Variants in CD33 observed in about 807,000 individuals in gnomAD.
The protein encoded by CD33 is myeloid cell surface antigen CD33.
A neutral mutation model predicts 31.4 loss-of-function variants in CD33; 25 were observed. The observed-to-expected ratio is 0.80, with a 90% confidence interval of 0.58 to 1.11. CD33 has a LOEUF of 1.11. Ranked by LOEUF, CD33 falls within the 50% of genes most tolerant of loss-of-function variation. The probability of loss-of-function intolerance (pLI) is 0.00; values close to 1 mark genes in which losing one functional copy is unlikely to be tolerated. For synonymous variants in CD33, 176 were observed against 180.6 expected, an observed-to-expected ratio of 0.97 and a Z score of 0.20; for missense variants, 407 against 448.1, an observed-to-expected ratio of 0.91 and a Z score of 0.83.
At chr19:51,235,538 A>C (rs534001899) in intron 5 of CD33, 57 bp from the exon 6 acceptor site, 2 of 1,566,004 alleles carry the variant, frequency 1.3e-6, no homozygotes, top group African/African-American at 2.7e-5. Context: ...CAGGCTCATA[A>C]CAATGGCCCC....
At chr19:51,229,839 T>G (rs2123234957) in intron 4 of CD33, among the ~76,000 whole-genome samples, 1 of 152,192 alleles carries the variant, frequency 6.6e-6, no homozygotes, top group South Asian at 2.1e-4. Context: ...AAAGCGAACT[T>G]GTTCATTGAT....
At chr19:51,214,413 G>C in the CD33 span, among the ~76,000 whole-genome samples, 1 of 148,884 alleles carries the variant, frequency 6.7e-6, no homozygotes, top group Non-Finnish European at 1.5e-5. Flanking sequence ...GGTCAGGCTG[G>C]TCTCGAATTT....
Position 51,225,175 on chromosome 19 carries a change from G to C in CD33, c.37+20G>C. 5 of 1,613,816 alleles carry C rather than the reference G, an allele frequency of 3.1e-6. No individual in the cohort carries two copies. The highest frequency in any genetic ancestry group is 4.2e-6 in the Non-Finnish European group (5 of 1,179,870). ...GGGCAGGTGAGTGGCTGTGGGGAGA[G>C]GGGTTGTCGGGCTGGGCCGAGCTGA... On this transcript the variant is annotated intron_variant, in intron 1 of 6. Coordinates refer to ENST00000262262, the MANE Select transcript of CD33 (RefSeq NM_001772.4).
chr19:51,235,415 G>C, intron 5 of CD33, 162 bp downstream of exon 5: 1 of 1,277,014 alleles, frequency 7.8e-7, no homozygotes, highest in Non-Finnish European at 1.1e-6. Flanking sequence ...TCTATTCCAG[G>C]GCCCTGATCT....
chr19:51,235,147 TTG>T lies in CD33; in HGVS notation c.746-8_746-7del. On this transcript the variant is annotated splice_region_variant and splice_polypyrimidine_tract_variant and intron_variant, in intron 4 of 6. Transcript: ENST00000262262. ...GATTAGAATTCACCCCAAATCTTTT[TTG>T]TCTGCAGGGAAACAAGAGACCAGAG... is the stretch of plus-strand genomic sequence containing the variant. 6.2e-7 allele frequency: 1 copy of T among 1,611,592 alleles called. No individual in the cohort carries two copies. The highest frequency in any genetic ancestry group is 8.5e-7 in the Non-Finnish European group (1 of 1,177,674).
At position 51,225,330 on chromosome 19, in the gene CD33, C is replaced by T. The variant is rs373497324; in HGVS notation, c.150C>T (p.Tyr50=). ...CTTTCTTCCATCCCATACCCTACTA[C>T]GACAAGAACTCCCCAGTTCATGGTT... is the stretch of plus-strand genomic sequence containing the variant. ...PCTFFHPIPY[Y]DKNSPVHGYW... is the part of the protein sequence containing the mutation. Residue 50 remains tyrosine, a synonymous_variant, in exon 2 of 7, where the codon TAC becomes TAT. Coordinates refer to ENST00000262262, the MANE Select transcript of CD33 (RefSeq NM_001772.4). 9.2e-5 allele frequency: 149 copies of T among 1,614,128 alleles called. No homozygotes were observed. Among genetic ancestry groups the T allele is most frequent in the South Asian group, 6.7e-4 (61 of 91,088 alleles).
intron 3 of CD33, 93 bp downstream of exon 3, chr19:51,226,174 C>T (rs1981013689): frequency 6.5e-7 from 1 of 1,541,564 alleles, no homozygotes. Flanking sequence ...GGAGGCCTGG[C>T]TGAGTTCGGG....
chr19:51,228,036 A>G (rs1269122289), intron 4 of CD33, among the ~76,000 whole-genome samples: 1 of 152,180 alleles, frequency 6.6e-6, no homozygotes, highest in Non-Finnish European at 1.5e-5. Flanking sequence ...TAGATCGTGG[A>G]TTAATTTCGG....
rs751039794 is a variant in CD33 at position 51,226,261 on chromosome 19, A to G, written c.698-48A>G. 2.5e-6 allele frequency: 4 copies of G among 1,571,310 alleles called. No individual in the cohort carries two copies. The Admixed American group carries it at 5.0e-5, about 20-fold the overall frequency. On this transcript the variant is annotated intron_variant, in intron 3 of 6. Transcript: ENST00000262262. ...GGAGTAAGGGGAAATGCCTACCCTT[A>G]TCTCATCTCTACCCCCAACTGAAGG...
chr19:51,220,674 G>C (rs1419540119), upstream of CD33, among the ~76,000 whole-genome samples: 1 of 152,042 alleles, frequency 6.6e-6, no homozygotes, highest in Non-Finnish European at 1.5e-5. Flanking sequence ...AACAATACAG[G>C]CTCAAGAAAC....
chr19:51,212,156 G>A, the CD33 span: 1 of 469,100 alleles, frequency 2.1e-6, no homozygotes, highest in Non-Finnish European at 4.0e-6. Context: ...TGGGGCCACT[G>A]GTGGCTGTGT....
chr19:51,216,123 C>A, the CD33 span, among the ~76,000 whole-genome samples: 8 of 152,248 alleles, frequency 5.3e-5, no homozygotes, highest in East Asian at 1.5e-3. Context: ...GACTCTGAGA[C>A]TTTGCATGTG....
At chr19:51,225,064 A>T, upstream of CD33, 1 of 1,606,866 alleles carries the variant, frequency 6.2e-7, no homozygotes, top group Non-Finnish European at 8.5e-7. Flanking sequence ...CTTCCCCTCC[A>T]CTCCCTTCCT....
intron 4 of CD33, among the ~76,000 whole-genome samples, chr19:51,227,896 T>C (rs114282264): frequency 0.01 from 1,555 of 152,304 alleles, 24 homozygotes; most frequent in African/African-American, 0.036. Context: ...GATTTTTGTA[T>C]AGGACGAGAG....
chr19:51,228,505 C>A (rs1315485936), intron 4 of CD33, among the ~76,000 whole-genome samples: 1 of 152,156 alleles, frequency 6.6e-6, no homozygotes, highest in Non-Finnish European at 1.5e-5. Context: ...AGGTATACTT[C>A]ATTCTCTTAT....
chr19:51,231,669 A>G (rs75225822), intron 4 of CD33, among the ~76,000 whole-genome samples: 7,235 of 148,044 alleles, frequency 0.049, 543 homozygotes, highest in African/African-American at 0.17. Context: ...ATGGGCTGTC[A>G]GTGAGTTTTA....
rs574795182 is a variant in CD33 at position 51,235,986 on chromosome 19, G to A, written c.924+310G>A. 102 of 632,552 alleles carry A rather than the reference G, an allele frequency of 1.6e-4. 1 individual carries two copies. Among genetic ancestry groups the A allele is most frequent in the East Asian group, 9.1e-4 (32 of 34,992 alleles). The allele number at this position is 632,552 out of a possible 1,614,324, so 39.2% of individuals were successfully genotyped here. A position where few individuals can be genotyped will look rare whatever the true frequency, so the allele number is the denominator to read the frequency against. On this transcript the variant is annotated intron_variant, in intron 6 of 6. Coordinates refer to ENST00000262262, the MANE Select transcript of CD33 (RefSeq NM_001772.4). The stretch of plus-strand genomic sequence containing the variant: ...ATCCTGGCTAACATGGTGAAACCCC[G>A]TCTCTACTAAAAATACAAAAAATTA...
chr19:51,235,816 T>C (rs1981747385), intron 6 of CD33, 140 bp downstream of exon 6: 4 of 800,036 alleles, frequency 5.0e-6, no homozygotes, highest in Admixed American at 4.0e-5. Context: ...GTTTTAATAT[T>C]TTTCAGGTAC....
intron 6 of CD33, chr19:51,236,258 A>G: frequency 4.9e-6 from 1 of 202,046 alleles, no homozygotes; most frequent in Non-Finnish European, 1.0e-5. Context: ...CAGGAAGCAG[A>G]GGGAGCAAGG....
Sources: gnomAD v4.1 joint callset for allele counts (sites outside exome capture counted in the v4.1 genomes callset) on GRCh38, gnomAD v4.1.1 for gene constraint, MANE v1.5 for transcripts, NCBI Gene and HGNC (gene_info 2026-07-23, HGNC 2026-07-21) for gene names.